The following NEB variants were observed in gnomAD, a reference collection of about 807,000 sequenced individuals.
NEB encodes nebulin.
A neutral mutation model predicts 952.2 loss-of-function variants in NEB; 512 were observed. The ratio of observed to expected loss-of-function variants is 0.54; its 90% CI spans 0.50 to 0.58. The LOEUF (loss-of-function observed/expected upper bound fraction) is 0.58, where lower values mean the gene tolerates loss of function less well. Among genes scored for constraint, NEB ranks in the 20% least tolerant of loss-of-function variants. The pLI is 0.00. For missense variants in NEB, 8,428 were observed against 9,231.1 expected, an observed-to-expected ratio of 0.91 and a Z score of 3.56; for synonymous variants, 2,900 against 3,149.8, an observed-to-expected ratio of 0.92 and a Z score of 2.66.
At chr2:151,671,816 C>T (rs1191180079) in intron 37 of NEB, among the ~76,000 whole-genome samples, 1 of 152,106 alleles carries the variant, frequency 6.6e-6, no homozygotes, top group Non-Finnish European at 1.5e-5. Context: ...TTACAGAGGA[C>T]AATTCTAACA....
chr2:151,498,455 A>T (rs2061849074), intron 169 of NEB, 103 bp from the exon 170 acceptor site: 2 of 751,078 alleles, frequency 2.7e-6, no homozygotes, highest in East Asian at 5.4e-5. Context: ...AGAGTAAGTT[A>T]GAGGAAGAGA....
At chr2:151,718,444 T>C (rs1024037273) in intron 9 of NEB, among the ~76,000 whole-genome samples, 1 of 152,196 alleles carries the variant, frequency 6.6e-6, no homozygotes, top group African/African-American at 2.4e-5. Flanking sequence ...TATGAGTCTC[T>C]GGTTAGTCCC....
chr2:151,630,663 C>CT (rs1574403109), intron 67 of NEB, 52 bp downstream of exon 67: 1 of 1,435,644 alleles, frequency 7.0e-7, no homozygotes, highest in African/African-American at 1.4e-5. Context: ...CTCCACAAAA[C>CT]TAAGTATAGA....
At chr2:151,696,778 C>A in intron 16 of NEB, 43 bp from the exon 17 acceptor site, 2 of 1,490,798 alleles carry the variant, frequency 1.3e-6, no homozygotes, top group South Asian at 2.3e-5. Flanking sequence ...TATCACCTGT[C>A]AGATCCAAGG....
At chr2:151,671,408 A>G (rs769936357) in intron 37 of NEB, 179 bp from the exon 38 acceptor site, 67 of 601,696 alleles carry the variant, frequency 1.1e-4, no homozygotes, top group Non-Finnish European at 1.7e-4. Flanking sequence ...CTGTTGTTAG[A>G]GTGCATTATA....
chr2:151,701,173 A>AT (rs2099658570), intron 13 of NEB, among the ~76,000 whole-genome samples: 1 of 64,686 alleles, frequency 1.5e-5, no homozygotes, highest in African/African-American at 4.5e-5. Flanking sequence ...ACATTTATTG[A>AT]TTTGTGTATA....
chr2:151,651,786 A>G (rs952629465), intron 52 of NEB, among the ~76,000 whole-genome samples: 2 of 152,236 alleles, frequency 1.3e-5, no homozygotes, highest in Non-Finnish European at 2.9e-5. Flanking sequence ...TCATTATTAC[A>G]TATATAAAAT....
Position 151,642,588 on chromosome 2 carries a change from C to T in NEB, c.8359G>A (p.Asp2787Asn), listed in dbSNP as rs193218477. 9 of 1,612,646 alleles carry T rather than the reference C, an allele frequency of 5.6e-6. No homozygotes were observed. The Admixed American group carries it at 1.3e-4, about 24-fold the overall frequency. ...IPIKAAKASRDIASEFKYKEG... is the reference protein window; with the variant it reads ...IPIKAAKASRNIASEFKYKEG... ...AGTATACTTACTTCACTTGCAATAT[C>T]TCTGGAGGCCTTGGCTGCCTTGATA... The change falls in exon 60 of 182, where the codon GAT becomes AAT. Residue 2787 changes from aspartate (D) to asparagine (N), a missense_variant. This residue lies in a region of NEB where 1,772 missense variants were observed against 1,960.3 expected (regional missense o/e 0.90). Coordinates refer to ENST00000397345, the MANE Select transcript of NEB (RefSeq NM_001164508.2).
At chr2:151,620,786 T>C (rs2098400026) in intron 72 of NEB, 133 bp downstream of exon 72, 1 of 624,340 alleles carries the variant, frequency 1.6e-6, no homozygotes, top group Admixed American at 3.0e-5. Context: ...GCAAGTTATC[T>C]GTATCTCAAC....
At chr2:151,674,645 G>A in intron 35 of NEB, 61 bp from the exon 36 acceptor site, 1 of 1,283,652 alleles carries the variant, frequency 7.8e-7, no homozygotes. Flanking sequence ...TGCTGGGATT[G>A]TTTTGTTCTT....
intron 13 of NEB, among the ~76,000 whole-genome samples, chr2:151,698,509 T>C (rs2099614675): frequency 6.6e-6 from 1 of 152,158 alleles, no homozygotes; most frequent in South Asian, 2.1e-4. Flanking sequence ...ATGTAATTAA[T>C]GCCACTGAAT....
chr2:151,494,337 G>T, intron 173 of NEB, 84 bp from the exon 174 acceptor site: 1 of 946,014 alleles, frequency 1.1e-6, no homozygotes, highest in Non-Finnish European at 1.6e-6. Flanking sequence ...GATAACTTTT[G>T]ATTATCTTTA....
At chr2:151,508,600 G>A (rs1231275273) in intron 161 of NEB, among the ~76,000 whole-genome samples, 3 of 152,222 alleles carry the variant, frequency 2.0e-5, no homozygotes, top group Non-Finnish European at 2.9e-5. Flanking sequence ...TGCGGTCAGG[G>A]CTCCCAGCTA....
In NEB at chr2:151,524,395, G is replaced by A. The variant is rs1411071874; in HGVS notation, c.22395C>T (p.His7465=). Residue 7465 remains histidine, a synonymous_variant, in exon 153 of 182, where the codon CAC becomes CAT. Transcript: ENST00000397345. ...QASEVEYRAK[H]RKEGSHGLSM... is the part of the protein sequence containing the mutation. ...TTAAGCCATGGCTGCCTTCCTTGCG[G>A]TGCTTGGCTCTGTACTCCACCTGAA... The A allele has an allele frequency of 1.9e-6, 3 of 1,613,824 alleles. No homozygotes were observed. Among genetic ancestry groups the A allele is most frequent in the African/African-American group, 2.7e-5 (2 of 74,918 alleles).
At position 151,532,405 on chromosome 2, in the gene NEB, T is replaced by G. The variant is rs145747570; in HGVS notation, c.21418-509A>C. ...TACAATCTCCAAAGGCATTTTTCCA[T>G]GTCAAAGATGAAACAGGGATGTAAA... On this transcript the variant is annotated intron_variant, in intron 143 of 181. Coordinates refer to ENST00000397345, the MANE Select transcript of NEB (RefSeq NM_001164508.2). Among the ~76,000 whole-genome samples, 5 of 152,286 alleles carry G rather than the reference T, an allele frequency of 3.3e-5. No individual in the cohort carries two copies. The East Asian group carries it at 9.7e-4, about 29-fold the overall frequency.
intron 107 of NEB, among the ~76,000 whole-genome samples, chr2:151,573,368 C>A (rs1046740447): frequency 1.3e-5 from 2 of 152,104 alleles, no homozygotes; most frequent in Non-Finnish European, 2.9e-5. Context: ...CAAAAGAGAG[C>A]ATATGTGACT....
chr2:151,576,337 G>A lies in NEB; in HGVS notation c.16722C>T (p.Asp5574=), dbSNP rs1220652604. 1 of 1,604,342 alleles carries A rather than the reference G, an allele frequency of 6.2e-7. No homozygotes were observed. Among genetic ancestry groups the A allele is most frequent in the South Asian group, 1.1e-5 (1 of 89,720 alleles). ...AGCCAATGCCACGCAACCACTCCAA[G>A]TCAGCCTTGTAGAGGGCCTGAAAAA... ...DLQSDALYKA[D]LEWLRGIGWM... Residue 5574 remains aspartate (D), a synonymous_variant, in exon 106 of 182, where the codon GAC becomes GAT. Coordinates refer to ENST00000397345, the MANE Select transcript of NEB (RefSeq NM_001164508.2).
chr2:151,676,249 T>C lies in NEB; in HGVS notation c.3775-858A>G, dbSNP rs531195692. Among the ~76,000 whole-genome samples, 9 of 152,342 alleles carry C rather than the reference T, an allele frequency of 5.9e-5. 1 individual carries two copies. The South Asian group carries it at 1.5e-3, about 25-fold the overall frequency. On this transcript the variant is annotated intron_variant, in intron 34 of 181. Transcript: ENST00000397345. ...CCAAAGAGTTACCTCTAAGTCCTCA[T>C]TGCCTTTAAGAACAATATCTAAGCA...
chr2:151,575,736 C>T lies in NEB; in HGVS notation c.16972G>A (p.Glu5658Lys). 1.2e-6 allele frequency: 2 copies of T among 1,610,366 alleles called. No homozygotes were observed. The highest frequency in any genetic ancestry group is 1.7e-6 in the Non-Finnish European group (2 of 1,176,568). The change falls in exon 107 of 182, where the codon GAA becomes AAA. Residue 5658 changes from glutamate (E) to lysine (K), a missense_variant. This residue lies in a region of NEB where 3,374 missense variants were observed against 3,651.5 expected (regional missense o/e 0.92). Transcript: ENST00000397345. ...TSIHIMPDTP[E>K]INLARANALN... ...GCATTTGCTCTAGCGAGATTAATTT[C>T]TGGAGTATCTGGCATTATGTGTATT... is the stretch of plus-strand genomic sequence containing the variant.
Sources: gnomAD v4.1 joint callset for allele counts (sites outside exome capture counted in the v4.1 genomes callset) on GRCh38, gnomAD v4.1.1 for gene constraint, gnomAD v4.1.1 regional missense constraint, MANE v1.5 for transcripts, NCBI Gene and HGNC (gene_info 2026-07-23, HGNC 2026-07-21) for gene names.